The following CNTNAP3 variants were observed in gnomAD, a reference collection of about 807,000 sequenced individuals.
CNTNAP3 encodes the protein contactin associated protein family member 3.
CNTNAP3 carries 36 observed loss-of-function variants against 92.1 expected under a neutral mutation model. The observed-to-expected ratio is 0.39, with a 90% confidence interval of 0.30 to 0.52. The LOEUF (loss-of-function observed/expected upper bound fraction) is 0.52, where lower values mean the gene tolerates loss of function less well. CNTNAP3 is among the 20% of genes least tolerant of loss of function. The pLI is 0.76. For synonymous variants in CNTNAP3, 232 were observed against 422.3 expected (o/e 0.55, Z 5.53); for missense variants, 534 against 1,069.6 (o/e 0.50, Z 6.98).
intron 18 of CNTNAP3, 95 bp from the exon 19 acceptor site, chr9:39,088,742 AT>A (rs1239877863): frequency 9.4e-7 from 1 of 1,058,868 alleles, no homozygotes; most frequent in Non-Finnish European, 1.4e-6. Context: ...AACCTTAAAT[AT>A]CCTGGGAGAT....
chr9:39,110,119 G>A (rs1184098956), intron 14 of CNTNAP3, among the ~76,000 whole-genome samples: 2 of 152,160 alleles, frequency 1.3e-5, no homozygotes, highest in Non-Finnish European at 2.9e-5. Context: ...ACACAGGCCG[G>A]GCACAGTGGC....
At chr9:39,133,183 A>G in intron 12 of CNTNAP3, 48 bp from the exon 13 acceptor site, 1 of 1,537,576 alleles carries the variant, frequency 6.5e-7, no homozygotes, top group Non-Finnish European at 8.7e-7. Context: ...GGCAGAGGCC[A>G]GCAGCAAGAG....
At chr9:39,113,416 G>C (rs539132353) in intron 14 of CNTNAP3, among the ~76,000 whole-genome samples, 193 of 152,070 alleles carry the variant, frequency 1.3e-3, no homozygotes, top group African/African-American at 4.4e-3. Flanking sequence ...GGTGTGTAAT[G>C]GTAATTATTT....
intron 13 of CNTNAP3, among the ~76,000 whole-genome samples, chr9:39,118,928 T>C (rs1820934771): frequency 6.6e-6 from 1 of 152,140 alleles, no homozygotes; most frequent in East Asian, 1.9e-4. Flanking sequence ...AATGATTAAA[T>C]GATAGAGTCA....
intron 18 of CNTNAP3, among the ~76,000 whole-genome samples, chr9:39,097,215 T>C (rs1357286917): frequency 6.6e-6 from 1 of 152,176 alleles, no homozygotes; most frequent in Non-Finnish European, 1.5e-5. Flanking sequence ...AATATCTTCA[T>C]ACCACTATGC....
At position 39,159,623 on chromosome 9, in the gene CNTNAP3, C is replaced by T. The variant is rs1157339672; in HGVS notation, c.1477+6310G>A. 8 of 133,230 alleles carry T rather than the reference C, an allele frequency of 6.0e-5. 1 individual carries two copies. Among genetic ancestry groups the T allele is most frequent in the Middle Eastern group, 3.8e-3 (1 of 260 alleles). 8.3% of individuals were successfully genotyped at this position (133,230 alleles called of 1,614,324 possible). ...CTGGGATTACAGGCGTGGGCCACCA[C>T]GCCTGGAGATAGATAGATAGATAGA... On this transcript the variant is annotated intron_variant, in intron 9 of 23. Coordinates refer to ENST00000297668, the MANE Select transcript of CNTNAP3 (RefSeq NM_033655.5).
intron 13 of CNTNAP3, among the ~76,000 whole-genome samples, chr9:39,131,200 A>G (rs1821284969): frequency 6.6e-6 from 1 of 151,948 alleles, no homozygotes; most frequent in African/African-American, 2.4e-5. Flanking sequence ...TGTAATGCCA[A>G]CTTTAAAAAA....
At chr9:39,110,150 C>T (rs1472123092) in intron 14 of CNTNAP3, among the ~76,000 whole-genome samples, 1 of 152,174 alleles carries the variant, frequency 6.6e-6, no homozygotes, top group African/African-American at 2.4e-5. Flanking sequence ...AATCCCAACA[C>T]TTTAGGAGAC....
In CNTNAP3 at chr9:39,068,243, C is replaced by CAAAAAAAAA. The variant is rs1198106886; in HGVS notation, c.*5638_*5646dup. 3.2e-3 allele frequency among the ~76,000 whole-genome samples: 409 copies of CAAAAAAAAA among 129,080 alleles called. No individual in the cohort carries two copies. The highest frequency in any genetic ancestry group is 4.7e-3 in the African/African-American group (164 of 34,632). 84.7% of individuals were successfully genotyped at this position (129,080 alleles called of 152,430 possible). On this transcript the variant is annotated 3_prime_UTR_variant, in exon 24 of 24. Transcript: ENST00000297668. ...TGAAACCTTGCCTCCACTAAAAATA[C>CAAAAAAAAA]AAAAAAAAAAAAAAAAAAAAAAATT...
At chr9:39,097,577 T>C (rs1826356009) in intron 18 of CNTNAP3, among the ~76,000 whole-genome samples, 1 of 151,960 alleles carries the variant, frequency 6.6e-6, no homozygotes, top group South Asian at 2.1e-4. Context: ...ACTTCTCAGC[T>C]GTTTCTGCGT....
In CNTNAP3 at chr9:39,122,912, C is replaced by G. The variant is rs184802600; in HGVS notation, c.2081-4653G>C. Among the ~76,000 whole-genome samples, 345 of 152,062 alleles carry G rather than the reference C, an allele frequency of 2.3e-3. 2 individuals are homozygous for G. The highest frequency in any genetic ancestry group is 7.8e-3 in the African/African-American group (324 of 41,476). ...AATTTCAAAGAATCAGAAGGAAATACAGAGATTAAAAGTAAAAATTGTAGA... is the reference window on the plus strand; with the variant it reads ...AATTTCAAAGAATCAGAAGGAAATAGAGAGATTAAAAGTAAAAATTGTAGA... On this transcript the variant is annotated intron_variant, in intron 13 of 23. Transcript: ENST00000297668.
At chr9:39,143,271 A>G (rs906106770) in intron 11 of CNTNAP3, among the ~76,000 whole-genome samples, 13 of 151,888 alleles carry the variant, frequency 8.6e-5, no homozygotes, top group South Asian at 2.1e-4. Flanking sequence ...CTTACACTTA[A>G]ATGTCTACCA....
chr9:39,118,124 C>T lies in CNTNAP3; in HGVS notation c.2216G>A (p.Cys739Tyr). Reference sequence around the variant, plus strand: ...TCACCATTCATTCCGGCCAGCATCACAGTTGCAGTAATACTGAGAATCAAT... The same window carrying T: ...TCACCATTCATTCCGGCCAGCATCATAGTTGCAGTAATACTGAGAATCAAT... The part of the protein sequence containing the change: ...NCIDSQYYCN[C>Y]DAGRNEWTSD... Residue 739 changes from cysteine (C) to tyrosine (Y), a missense_variant, in exon 14 of 24, where the codon TGT becomes TAT. Transcript: ENST00000297668. 1 of 1,608,566 alleles carries T rather than the reference C, an allele frequency of 6.2e-7. No individual in the cohort carries two copies. Among genetic ancestry groups the T allele is most frequent in the South Asian group, 1.1e-5 (1 of 90,690 alleles).
chr9:39,091,863 G>A (rs1826212476), intron 18 of CNTNAP3, among the ~76,000 whole-genome samples: 1 of 151,594 alleles, frequency 6.6e-6, no homozygotes, highest in Non-Finnish European at 1.5e-5. Context: ...TCTGGACCTG[G>A]GCTTTACTTT....
rs752272588 is a variant in CNTNAP3 at position 39,109,274 on chromosome 9, T to C, written c.2251A>G (p.Ile751Val). 6 of 1,611,794 alleles carry C rather than the reference T, an allele frequency of 3.7e-6. No homozygotes were observed. The highest frequency in any genetic ancestry group is 1.7e-5 in the Admixed American group (1 of 59,968). Residue 751 changes from isoleucine to valine, a missense_variant, in exon 15 of 24, where the codon ATA becomes GTA. By Grantham distance (29) the Ile-to-Val change is conservative. Coordinates refer to ENST00000297668, the MANE Select transcript of CNTNAP3 (RefSeq NM_033655.5). ...AGGTGCTCCTTTTGGGAAAGGACTA[T>C]TGTGTCACTAGTCCTAAAGAACAAC... is the stretch of plus-strand genomic sequence containing the variant. ...AGRNEWTSDT[I>V]VLSQKEHLPV...
In CNTNAP3 at chr9:39,068,895, A is replaced by G. The variant is rs1292429792; in HGVS notation, c.*4995T>C. On this transcript the variant is annotated 3_prime_UTR_variant, in exon 24 of 24. Transcript: ENST00000297668. ...AGTGTACTGAAAACCATAGTTTCAT[A>G]TATTTTGTCTGGTTTGAGGTTGTTT... Among the ~76,000 whole-genome samples, 10 of 152,296 alleles carry G rather than the reference A, an allele frequency of 6.6e-5. No individual in the cohort carries two copies. The highest frequency in any genetic ancestry group is 5.2e-4 in the Admixed American group (8 of 15,286).
At position 39,128,898 on chromosome 9, in the gene CNTNAP3, T is replaced by G. The variant is rs1359596399; in HGVS notation, c.2080+4034A>C. On this transcript the variant is annotated intron_variant, in intron 13 of 23. Transcript: ENST00000297668. Reference sequence around the variant, plus strand: ...CAAAAATGTAAAGCACAACAGCACTTATAATCAATCAAGAAACTAACTAAA... The same window carrying G: ...CAAAAATGTAAAGCACAACAGCACTGATAATCAATCAAGAAACTAACTAAA... 4.0e-5 allele frequency among the ~76,000 whole-genome samples: 6 copies of G among 151,254 alleles called. No homozygotes were observed. The East Asian group carries it at 1.2e-3, about 29-fold the overall frequency.
At chr9:39,117,956 G>A in intron 14 of CNTNAP3, 147 bp downstream of exon 14, 1 of 1,449,220 alleles carries the variant, frequency 6.9e-7, no homozygotes, top group South Asian at 1.3e-5. Context: ...TAGATTAACT[G>A]ATCATATTTC....
chr9:39,082,364 T>C (rs190055142), intron 21 of CNTNAP3, among the ~76,000 whole-genome samples: 1 of 151,990 alleles, frequency 6.6e-6, no homozygotes, highest in Admixed American at 6.5e-5. Flanking sequence ...AGAACAATCT[T>C]AGAATTTTCT....
Sources: gnomAD v4.1 joint callset for allele counts (sites outside exome capture counted in the v4.1 genomes callset) on GRCh38, gnomAD v4.1.1 for gene constraint, MANE v1.5 for transcripts, NCBI Gene and HGNC (gene_info 2026-07-23, HGNC 2026-07-21) for gene names.